HNF4G: variants seen among roughly 807,000 people sequenced by gnomAD.
HNF4G encodes hepatocyte nuclear factor 4 gamma.
In HNF4G, 21 loss-of-function variants were observed where a neutral mutation model predicts 50.9. The ratio of observed to expected loss-of-function variants is 0.41; its 90% CI spans 0.29 to 0.59. The LOEUF (loss-of-function observed/expected upper bound fraction) is 0.59, where lower values mean the gene tolerates loss of function less well. Ranked by LOEUF, HNF4G falls within the 20% of genes least tolerant of loss-of-function variation. The pLI is 0.26. For synonymous variants in HNF4G, 198 were observed against 185.6 expected, an observed-to-expected ratio of 1.07 and a Z score of -0.54; for missense variants, 527 against 559.4, an observed-to-expected ratio of 0.94 and a Z score of 0.58.
chr8:75,515,346 C>G (rs896059745), intron 2 of HNF4G, among the ~76,000 whole-genome samples: 63 of 152,220 alleles, frequency 4.1e-4, no homozygotes, highest in African/African-American at 1.3e-3. Flanking sequence ...CTTTTCTAAT[C>G]TAAGCACTTT....
At chr8:75,439,713 T>G (rs191675333) in intron 1 of HNF4G, among the ~76,000 whole-genome samples, 2 of 152,130 alleles carry the variant, frequency 1.3e-5, no homozygotes, top group Admixed American at 1.3e-4. Context: ...TGTCAAAAAC[T>G]TCAAACATTC....
At chr8:75,426,621 G>A (rs1810895133) in intron 1 of HNF4G, among the ~76,000 whole-genome samples, 1 of 152,064 alleles carries the variant, frequency 6.6e-6, no homozygotes, top group South Asian at 2.1e-4. Context: ...ATATTGTTGA[G>A]GTGCAGACCA....
At chr8:75,460,157 A>C (rs1811811830) in intron 1 of HNF4G, among the ~76,000 whole-genome samples, 1 of 152,160 alleles carries the variant, frequency 6.6e-6, no homozygotes, top group Non-Finnish European at 1.5e-5. Flanking sequence ...CTAGTAACTA[A>C]GTGGTTTGAA....
intron 1 of HNF4G, among the ~76,000 whole-genome samples, chr8:75,446,963 C>T (rs1468729793): frequency 1.4e-4 from 20 of 143,314 alleles, no homozygotes; most frequent in Non-Finnish European, 2.1e-4. Flanking sequence ...AAAAAGAGCC[C>T]GCATCGCCAA....
chr8:75,416,303 A>G (rs147823897), intron 1 of HNF4G, among the ~76,000 whole-genome samples: 14 of 152,326 alleles, frequency 9.2e-5, no homozygotes, highest in African/African-American at 3.4e-4. Flanking sequence ...CAATTAGAAC[A>G]TCAGATCAAC....
intron 1 of HNF4G, among the ~76,000 whole-genome samples, chr8:75,467,855 G>A (rs1812021858): frequency 1.3e-5 from 2 of 151,990 alleles, no homozygotes; most frequent in South Asian, 4.2e-4. Flanking sequence ...GTCCTAATCT[G>A]GACCATGGAA....
chr8:75,440,206 G>A (rs960805847), intron 1 of HNF4G, among the ~76,000 whole-genome samples: 4 of 152,110 alleles, frequency 2.6e-5, no homozygotes, highest in African/African-American at 9.7e-5. Context: ...GATTAAAATA[G>A]TTGCCAAGTT....
intron 1 of HNF4G, among the ~76,000 whole-genome samples, chr8:75,428,328 C>T (rs966128214): frequency 1.3e-5 from 2 of 152,126 alleles, no homozygotes; most frequent in East Asian, 3.9e-4. Flanking sequence ...CTCACAAATG[C>T]ATTATATGCA....
chr8:75,438,567 T>G (rs966879519), intron 1 of HNF4G, among the ~76,000 whole-genome samples: 2 of 151,730 alleles, frequency 1.3e-5, no homozygotes, highest in Admixed American at 1.3e-4. Context: ...CCTCCCTCCC[T>G]TCCTTTCTTC....
At chr8:75,465,551 G>A (rs986314768) in intron 1 of HNF4G, among the ~76,000 whole-genome samples, 1 of 152,040 alleles carries the variant, frequency 6.6e-6, no homozygotes, top group South Asian at 2.1e-4. Flanking sequence ...GAGACTAAAG[G>A]TATCATAAGC....
At chr8:75,449,431 T>C (rs1166454464) in intron 1 of HNF4G, among the ~76,000 whole-genome samples, 1 of 151,996 alleles carries the variant, frequency 6.6e-6, no homozygotes, top group African/African-American at 2.4e-5. Flanking sequence ...GATGTCTTGA[T>C]ATATGCATAC....
At chr8:75,430,893 C>T (rs1017044702) in intron 1 of HNF4G, among the ~76,000 whole-genome samples, 2 of 151,786 alleles carry the variant, frequency 1.3e-5, no homozygotes, top group African/African-American at 4.8e-5. Context: ...AAGTAGATTA[C>T]GAAGATTGTT....
At chr8:75,469,810 C>T (rs946267185) in intron 1 of HNF4G, among the ~76,000 whole-genome samples, 2 of 152,168 alleles carry the variant, frequency 1.3e-5, no homozygotes, top group Admixed American at 6.5e-5. Flanking sequence ...CTGTCAGTTT[C>T]GATGGAGTAT....
At chr8:75,470,095 C>G (rs1055079693) in intron 1 of HNF4G, among the ~76,000 whole-genome samples, 6 of 152,184 alleles carry the variant, frequency 3.9e-5, no homozygotes, top group Non-Finnish European at 8.8e-5. Context: ...CTTCTCCACT[C>G]AGCAAAGCCT....
chr8:75,479,958 TATATA>T (rs986000869), intron 1 of HNF4G, among the ~76,000 whole-genome samples: 2 of 148,430 alleles, frequency 1.3e-5, no homozygotes, highest in Admixed American at 1.3e-4. Context: ...GTTTATGATT[TATATA>T]ACAGGAAAAA....
In HNF4G at chr8:75,564,429, T is replaced by C. The variant is rs1371191507; in HGVS notation, c.*333T>C. On this transcript the variant is annotated 3_prime_UTR_variant, in exon 10 of 10. Transcript: ENST00000396423. Reference sequence around the variant, plus strand: ...AATTTAAATCTGTAAATAATTGCTTTATTGTGATGTGATACAGAACAAAGT... The same window carrying C: ...AATTTAAATCTGTAAATAATTGCTTCATTGTGATGTGATACAGAACAAAGT... The C allele has an allele frequency of 2.2e-5, 4 of 177,838 alleles. No individual in the cohort carries two copies. The East Asian group carries it at 6.0e-4, about 27-fold the overall frequency. 11.0% of individuals were successfully genotyped at this position (177,838 alleles called of 1,614,324 possible). A position where few individuals can be genotyped will look rare whatever the true frequency, so the allele number is the denominator to read the frequency against.
At chr8:75,552,597 G>C (rs952138045) in intron 4 of HNF4G, among the ~76,000 whole-genome samples, 3 of 151,910 alleles carry the variant, frequency 2.0e-5, no homozygotes, top group African/African-American at 7.3e-5. Flanking sequence ...CTCCCCAACT[G>C]GGTAAACGTT....
At chr8:75,450,372 A>C (rs1811556988) in intron 1 of HNF4G, among the ~76,000 whole-genome samples, 1 of 152,166 alleles carries the variant, frequency 6.6e-6, no homozygotes, top group Non-Finnish European at 1.5e-5. Context: ...AAAAATAATA[A>C]AACAAAAATC....
At chr8:75,488,905 G>T (rs1237742046) in intron 1 of HNF4G, among the ~76,000 whole-genome samples, 3 of 152,140 alleles carry the variant, frequency 2.0e-5, no homozygotes, top group East Asian at 1.9e-4. Context: ...AAGTAGGAGG[G>T]ATTTAATTCC....
Sources: allele counts gnomAD v4.1 joint callset (sites outside exome capture counted in the v4.1 genomes callset), GRCh38; gene constraint gnomAD v4.1.1; transcripts MANE v1.5; gene names NCBI Gene and HGNC (gene_info 2026-07-23, HGNC 2026-07-21).